KLHDC4: variants seen among roughly 807,000 people sequenced by gnomAD.
KLHDC4 encodes the protein kelch domain containing 4.
Under a neutral mutation model 62.4 loss-of-function variants are expected in KLHDC4, and 90 were observed. The observed-to-expected ratio is 1.44, with a 90% CI of 1.22 to 1.72. The LOEUF (loss-of-function observed/expected upper bound fraction) is 1.72, where lower values mean the gene tolerates loss of function less well. Ranked by LOEUF, KLHDC4 falls within the 40% of genes most tolerant of loss-of-function variation. The pLI is 0.00. For synonymous variants in KLHDC4, 386 were observed against 284.4 expected, an observed-to-expected ratio of 1.36 and a Z score of -3.59; for missense variants, 1,025 against 699.7, an observed-to-expected ratio of 1.47 and a Z score of -5.25.
In KLHDC4 at chr16:87,707,921, A is replaced by G. The variant is rs1234771830; in HGVS notation, c.*156T>C. ...CCAGTGCCGCGTCAGAGACTAAACC[A>G]TGGGAGAAAGTTCACACCCTGGCCT... On this transcript the variant is annotated 3_prime_UTR_variant, in exon 12 of 12. Coordinates refer to ENST00000270583, the MANE Select transcript of KLHDC4 (RefSeq NM_017566.4). The G allele has an allele frequency of 4.3e-6, 2 of 461,398 alleles. No individual in the cohort carries two copies. Among genetic ancestry groups the G allele is most frequent in the Non-Finnish European group, 8.7e-6 (2 of 230,340 alleles). The allele number at this position is 461,398 out of a possible 1,614,324, so 28.6% of individuals were successfully genotyped here.
At chr16:87,753,114 G>A (rs756193197) in intron 4 of KLHDC4, among the ~76,000 whole-genome samples, 3 of 152,210 alleles carry the variant, frequency 2.0e-5, no homozygotes, top group Non-Finnish European at 2.9e-5. Flanking sequence ...GTTCAGGGAC[G>A]CAGAGGCAGC....
In KLHDC4 at chr16:87,711,449, A is replaced by T. The variant is rs1477791998; in HGVS notation, c.836-6T>A. ...CCGAGTCCAAACCCACTTGTCTGTC[A>T]AAAGAGAACAAGGAAGTGGGATAAG... is the stretch of plus-strand genomic sequence containing the variant. On this transcript the variant is annotated splice_region_variant and splice_polypyrimidine_tract_variant and intron_variant, in intron 8 of 11. Transcript: ENST00000270583. 6.2e-7 allele frequency: 1 copy of T among 1,604,190 alleles called. No homozygotes were observed. Among genetic ancestry groups the T allele is most frequent in the East Asian group, 2.2e-5 (1 of 44,792 alleles).
At chr16:87,724,700 G>A (rs1597505148) in intron 7 of KLHDC4, among the ~76,000 whole-genome samples, 1 of 152,160 alleles carries the variant, frequency 6.6e-6, no homozygotes, top group Non-Finnish European at 1.5e-5. Flanking sequence ...TGAACAGGGG[G>A]CAACTGGAAC....
chr16:87,715,084 G>A (rs1285778018), intron 7 of KLHDC4, among the ~76,000 whole-genome samples: 3 of 152,148 alleles, frequency 2.0e-5, no homozygotes. Flanking sequence ...TGCCTCAAGT[G>A]AGCCTCAGCT....
chr16:87,753,538 G>A (rs556055505), intron 4 of KLHDC4, among the ~76,000 whole-genome samples: 1 of 152,206 alleles, frequency 6.6e-6, no homozygotes, highest in African/African-American at 2.4e-5. Flanking sequence ...AGTGGCTCAC[G>A]CCTGTAATCT....
At chr16:87,757,190 CCA>C in intron 2 of KLHDC4, among the ~76,000 whole-genome samples, 1 of 151,890 alleles carries the variant, frequency 6.6e-6, no homozygotes, top group Non-Finnish European at 1.5e-5. Context: ...AGTAACTAGG[CCA>C]GGAGCAGTGG....
intron 6 of KLHDC4, among the ~76,000 whole-genome samples, chr16:87,728,179 T>C (rs1270957946): frequency 6.6e-6 from 1 of 152,114 alleles, no homozygotes; most frequent in Non-Finnish European, 1.5e-5. Context: ...AGTGAGAATC[T>C]GTCTCAAAAA....
chr16:87,703,403 AGGCAGCGTG>A (rs759546855), downstream of KLHDC4: 1 of 152,504 alleles, frequency 6.6e-6, no homozygotes, highest in Non-Finnish European at 1.5e-5. Flanking sequence ...CCGGCAGTGG[AGGCAGCGTG>A]GGCACAGGGT....
intron 4 of KLHDC4, among the ~76,000 whole-genome samples, chr16:87,754,507 G>A (rs1226412015): frequency 6.6e-6 from 1 of 152,234 alleles, no homozygotes; most frequent in African/African-American, 2.4e-5. Context: ...CACACAATCA[G>A]CAAAGGGGGA....
At chr16:87,761,758 C>T (rs904132122) in intron 2 of KLHDC4, among the ~76,000 whole-genome samples, 191 bp downstream of exon 2, 3 of 152,192 alleles carry the variant, frequency 2.0e-5, no homozygotes, top group African/African-American at 4.8e-5. Flanking sequence ...GTAGGCCCTG[C>T]TCCCAGGTTC....
intron 7 of KLHDC4, among the ~76,000 whole-genome samples, chr16:87,721,177 T>C (rs1041259742): frequency 2.6e-5 from 4 of 151,978 alleles, no homozygotes; most frequent in Admixed American, 6.6e-5. Flanking sequence ...TCCCAGCACT[T>C]TGGGAGGCCG....
rs184910916 is a variant in KLHDC4, at chr16:87,722,784, T to C, written c.759+3981A>G. Among the ~76,000 whole-genome samples, 16 of 152,260 alleles carry C rather than the reference T, an allele frequency of 1.1e-4. No homozygotes were observed. In the East Asian group the frequency reaches 3.1e-3, roughly 29 times the overall value. On this transcript the variant is annotated intron_variant, in intron 7 of 11. Coordinates refer to ENST00000270583, the MANE Select transcript of KLHDC4 (RefSeq NM_017566.4). ...GCAGGTCACTCCAGCTGCTGCACTG[T>C]GGTGTGATCCTGAGGGCCCCGGGGA...
At chr16:87,721,999 C>G (rs2142996124) in intron 7 of KLHDC4, among the ~76,000 whole-genome samples, 1 of 152,314 alleles carries the variant, frequency 6.6e-6, no homozygotes, top group Non-Finnish European at 1.5e-5. Context: ...GGTTCCCTGA[C>G]TCTCTAAAGG....
intron 1 of KLHDC4, 46 bp downstream of exon 1, chr16:87,765,746 G>A (rs1287310084): frequency 4.6e-6 from 7 of 1,522,940 alleles, no homozygotes; most frequent in Non-Finnish European, 5.3e-6. Context: ...GGCCGAGGCT[G>A]CACGGCCGCG....
At chr16:87,751,106 T>C (rs939939766) in intron 4 of KLHDC4, among the ~76,000 whole-genome samples, 5 of 152,162 alleles carry the variant, frequency 3.3e-5, no homozygotes, top group Admixed American at 3.3e-4. Flanking sequence ...AATCCTACAA[T>C]AATACATCAA....
chr16:87,765,365 G>C, intron 1 of KLHDC4: 1 of 462,570 alleles, frequency 2.2e-6, no homozygotes, highest in South Asian at 1.5e-5. Context: ...GTAAGGTTCA[G>C]AAAAGTTAAG....
intron 5 of KLHDC4, among the ~76,000 whole-genome samples, chr16:87,738,117 G>C (rs569147887): frequency 7.2e-5 from 11 of 152,288 alleles, no homozygotes; most frequent in African/African-American, 2.4e-4. Flanking sequence ...GGGCAGAGCA[G>C]GGTGTGTCCA....
intron 7 of KLHDC4, among the ~76,000 whole-genome samples, chr16:87,724,803 C>T (rs944220842): frequency 9.9e-5 from 15 of 152,282 alleles, no homozygotes; most frequent in African/African-American, 2.9e-4. Context: ...CCACACCCAC[C>T]CCAGGGCCCA....
chr16:87,701,697 GAC>G (rs912492141), intron 14 of KLHDC4: 2 of 456,630 alleles, frequency 4.4e-6, no homozygotes, highest in Non-Finnish European at 4.4e-6. Context: ...TCCTGTCTCA[GAC>G]ACACCCTTCT....
Sources: allele counts gnomAD v4.1 joint callset (sites outside exome capture counted in the v4.1 genomes callset), GRCh38; gene constraint gnomAD v4.1.1; transcripts MANE v1.5; gene names NCBI Gene and HGNC (gene_info 2026-07-23, HGNC 2026-07-21).